SDK1: variants seen among roughly 807,000 people sequenced by gnomAD.
SDK1 encodes sidekick cell adhesion molecule 1, also known as protein sidekick-1.
A neutral mutation model predicts 245.5 loss-of-function variants in SDK1; 157 were observed. The ratio of observed to expected loss-of-function variants is 0.64; its 90% CI spans 0.56 to 0.73. SDK1 has a LOEUF of 0.73. SDK1 is among the 30% of genes least tolerant of loss of function. SDK1 has a pLI of 0.00. For missense variants in SDK1, 3,583 were observed against 3,002.3 expected, an observed-to-expected ratio of 1.19 and a Z score of -4.52; for synonymous variants, 1,647 against 1,278.5, an observed-to-expected ratio of 1.29 and a Z score of -6.15.
intron 4 of SDK1, among the ~76,000 whole-genome samples, chr7:3,820,537 C>T (rs1779619241): frequency 6.6e-6 from 1 of 152,200 alleles, no homozygotes; most frequent in Non-Finnish European, 1.5e-5. Flanking sequence ...TCCCATAAAA[C>T]ACCCATTTCA....
intron 1 of SDK1, among the ~76,000 whole-genome samples, chr7:3,526,391 T>C (rs1246439707): frequency 6.6e-6 from 1 of 152,184 alleles, no homozygotes; most frequent in Non-Finnish European, 1.5e-5. Context: ...TGAAGTCAGT[T>C]CTTTGTCTAT....
chr7:3,406,486 G>C (rs1033039898), intron 1 of SDK1, among the ~76,000 whole-genome samples: 3 of 152,144 alleles, frequency 2.0e-5, no homozygotes, highest in African/African-American at 7.2e-5. Flanking sequence ...ACTCTGGTCG[G>C]ACAGACCTTG....
intron 4 of SDK1, among the ~76,000 whole-genome samples, chr7:3,717,595 A>G (rs573420130): frequency 1.8e-4 from 28 of 152,334 alleles, no homozygotes; most frequent in African/African-American, 5.3e-4. Flanking sequence ...ACCTATCACT[A>G]TGGTTACTGT....
intron 19 of SDK1, among the ~76,000 whole-genome samples, chr7:4,066,316 C>T (rs1388561923): frequency 6.6e-6 from 1 of 152,176 alleles, no homozygotes; most frequent in East Asian, 1.9e-4. Context: ...CCAACCCGGG[C>T]AGCTGTGTTT....
chr7:3,891,142 G>T (rs1288991698), intron 5 of SDK1, among the ~76,000 whole-genome samples: 1 of 152,164 alleles, frequency 6.6e-6, no homozygotes. Flanking sequence ...AAGCCCAGTG[G>T]TACTTCCACT....
At chr7:4,069,218 G>T (rs918415991) in intron 20 of SDK1, among the ~76,000 whole-genome samples, 2 of 152,236 alleles carry the variant, frequency 1.3e-5, no homozygotes, top group Non-Finnish European at 2.9e-5. Flanking sequence ...CAACTGAGGG[G>T]CTGTCAGGAG....
intron 28 of SDK1, among the ~76,000 whole-genome samples, chr7:4,135,034 C>T (rs771486702): frequency 2.0e-5 from 3 of 152,208 alleles, no homozygotes; most frequent in South Asian, 2.1e-4. Context: ...GCTCCCTGCA[C>T]GTGTCTACCT....
chr7:4,183,654 A>G (rs1317718294), intron 35 of SDK1, among the ~76,000 whole-genome samples: 2 of 151,902 alleles, frequency 1.3e-5, no homozygotes, highest in Non-Finnish European at 2.9e-5. Flanking sequence ...AAAAAAAAAA[A>G]AAAAAGAAAG....
At chr7:3,918,845 C>G (rs978300747) in intron 5 of SDK1, among the ~76,000 whole-genome samples, 1 of 152,014 alleles carries the variant, frequency 6.6e-6, no homozygotes, top group Non-Finnish European at 1.5e-5. Context: ...CTGACGGTTT[C>G]CCACATACAT....
intron 44 of SDK1, among the ~76,000 whole-genome samples, chr7:4,264,496 A>G (rs1162799749): frequency 1.2e-5 from 1 of 84,948 alleles, no homozygotes; most frequent in African/African-American, 4.1e-5. Flanking sequence ...CTCCTGAGTG[A>G]GGGAGGCCGC....
In SDK1 at chr7:4,174,352, T is replaced by C. The variant is rs1782050899; in HGVS notation, c.4931T>C (p.Leu1644Pro). The C allele has an allele frequency of 6.2e-7, 1 of 1,613,708 alleles. No individual in the cohort carries two copies. Among genetic ancestry groups the C allele is most frequent in the Non-Finnish European group, 8.5e-7 (1 of 1,179,698 alleles). The change falls in exon 33 of 45, where the codon CTC becomes CCC. Residue 1644 changes from leucine to proline, a missense_variant. By Grantham distance (98) the Leu-to-Pro change is moderately conservative. Transcript: ENST00000404826. ...AACCCTATAGCTTTACATGCTGAGC[T>C]CACAGGTGAGACTGTCCCCTCTGTC... ...LKNPIALHAE[L>P]TAQSSFKTVN...
chr7:3,782,301 C>T (rs1780771195), intron 4 of SDK1, among the ~76,000 whole-genome samples: 3 of 152,198 alleles, frequency 2.0e-5, no homozygotes, highest in South Asian at 4.1e-4. Context: ...ACAACCAGAT[C>T]TTGTGTGAAC....
At chr7:3,748,365 A>G (rs1223245671) in intron 4 of SDK1, among the ~76,000 whole-genome samples, 2 of 152,212 alleles carry the variant, frequency 1.3e-5, no homozygotes, top group Admixed American at 1.3e-4. Context: ...ACTATTTGAG[A>G]AAAACAGATT....
chr7:3,922,059 C>T (rs1018470342), intron 5 of SDK1, among the ~76,000 whole-genome samples: 2 of 152,268 alleles, frequency 1.3e-5, no homozygotes, highest in East Asian at 3.8e-4. Context: ...CTGTGCCTCT[C>T]TGCCACCCTT....
At chr7:3,660,758 C>G (rs780837598) in intron 4 of SDK1, among the ~76,000 whole-genome samples, 1 of 152,200 alleles carries the variant, frequency 6.6e-6, no homozygotes, top group Non-Finnish European at 1.5e-5. Context: ...TCATCGCTGA[C>G]GGAACTGCAC....
chr7:4,241,966 T>G (rs1357465254), intron 43 of SDK1, 53 bp downstream of exon 43: 7 of 1,594,786 alleles, frequency 4.4e-6, no homozygotes, highest in Non-Finnish European at 5.1e-6. Context: ...CTGCCAGGGC[T>G]GGGGTGGCAG....
intron 1 of SDK1, among the ~76,000 whole-genome samples, chr7:3,489,767 A>G (rs987427820): frequency 9.9e-5 from 15 of 152,262 alleles, no homozygotes; most frequent in African/African-American, 3.6e-4. Flanking sequence ...GTGAATACAG[A>G]TGAGATGGTC....
intron 1 of SDK1, among the ~76,000 whole-genome samples, chr7:3,578,424 T>C (rs906928219): frequency 6.6e-6 from 1 of 152,058 alleles, no homozygotes; most frequent in Admixed American, 6.6e-5. Flanking sequence ...TATGTTCAGC[T>C]GTGCACGTAT....
At chr7:3,329,442 T>A (rs1373470550) in intron 1 of SDK1, among the ~76,000 whole-genome samples, 1 of 152,196 alleles carries the variant, frequency 6.6e-6, no homozygotes, top group Non-Finnish European at 1.5e-5. Context: ...ATATTTAGAG[T>A]TCAGAGTTGT....
Sources: allele counts gnomAD v4.1 joint callset (sites outside exome capture counted in the v4.1 genomes callset), GRCh38; gene constraint gnomAD v4.1.1; transcripts MANE v1.5; gene names NCBI Gene and HGNC (gene_info 2026-07-23, HGNC 2026-07-21).